Variants in PDE1A observed in about 807,000 individuals in gnomAD.
The protein encoded by PDE1A is dual specificity calcium/calmodulin-dependent 3',5'-cyclic nucleotide phosphodiesterase 1A.
Under a neutral mutation model 61.7 loss-of-function variants are expected in PDE1A, and 35 were observed. That is an observed-to-expected ratio of 0.57 (90% confidence interval 0.43 to 0.75). The LOEUF (loss-of-function observed/expected upper bound fraction) is 0.75, where lower values mean the gene tolerates loss of function less well. PDE1A is among the 30% of genes least tolerant of loss of function. The pLI is 0.00. For missense variants in PDE1A, 597 were observed against 630.6 expected, an observed-to-expected ratio of 0.95 and a Z score of 0.57; for synonymous variants, 232 against 213.2, an observed-to-expected ratio of 1.09 and a Z score of -0.77.
chr2:182,238,014 A>T (rs1053653116), intron 3 of PDE1A, among the ~76,000 whole-genome samples: 2 of 152,146 alleles, frequency 1.3e-5, no homozygotes, highest in Admixed American at 1.3e-4. Context: ...CACGCCTGTA[A>T]TCCCAGCACT....
At chr2:182,537,613 G>A in the PDE1A span, among the ~76,000 whole-genome samples, 1 of 151,988 alleles carries the variant, frequency 6.6e-6, no homozygotes, top group African/African-American at 2.4e-5. Context: ...AAACTTGCAC[G>A]TTATGCACGT....
the PDE1A span, among the ~76,000 whole-genome samples, chr2:182,580,051 T>C: frequency 1.3e-5 from 2 of 152,214 alleles, no homozygotes; most frequent in African/African-American, 4.8e-5. Context: ...CTATAACTAC[T>C]CCTTTGATAA....
chr2:182,390,695 C>A (rs566961746), intron 1 of PDE1A, among the ~76,000 whole-genome samples: 8 of 152,288 alleles, frequency 5.3e-5, no homozygotes, highest in Admixed American at 3.9e-4. Flanking sequence ...CACACTCAGC[C>A]TCACCAGGTG....
intron 1 of PDE1A, among the ~76,000 whole-genome samples, chr2:182,284,246 G>C (rs1408142109): frequency 6.6e-6 from 1 of 152,140 alleles, no homozygotes; most frequent in Non-Finnish European, 1.5e-5. Context: ...GAAATTGTCA[G>C]ATGAAAGTAG....
chr2:182,229,780 C>T (rs1254915771), intron 6 of PDE1A, among the ~76,000 whole-genome samples: 1 of 139,284 alleles, frequency 7.2e-6, no homozygotes, highest in African/African-American at 2.6e-5. Context: ...TTTTGGGAAA[C>T]TTTTTTTTTT....
chr2:182,479,849 G>GGTAA (rs1687597589), intron 2 of PDE1A, among the ~76,000 whole-genome samples: 1 of 151,704 alleles, frequency 6.6e-6, no homozygotes, highest in Non-Finnish European at 1.5e-5. Context: ...GACTTTACCT[G>GGTAA]CAGAAGTCAT....
intron 1 of PDE1A, among the ~76,000 whole-genome samples, chr2:182,370,547 G>T (rs921054353): frequency 8.5e-5 from 13 of 152,206 alleles, no homozygotes; most frequent in African/African-American, 2.2e-4. Context: ...CAGCTCAGAG[G>T]GGGCAGATGA....
the PDE1A span, among the ~76,000 whole-genome samples, chr2:182,580,462 T>C: frequency 6.6e-6 from 1 of 152,144 alleles, no homozygotes; most frequent in Non-Finnish European, 1.5e-5. Flanking sequence ...CTAGTCATAT[T>C]AGATTAGTGC....
chr2:182,244,121 C>A (rs1300201474), intron 2 of PDE1A, among the ~76,000 whole-genome samples: 2 of 152,176 alleles, frequency 1.3e-5, no homozygotes, highest in Admixed American at 1.3e-4. Context: ...CCCGCCTTGG[C>A]CTCCCAAAGT....
At chr2:182,492,901 C>T (rs1250614621) in intron 2 of PDE1A, among the ~76,000 whole-genome samples, 1 of 152,044 alleles carries the variant, frequency 6.6e-6, no homozygotes, top group African/African-American at 2.4e-5. Context: ...TTGCTATGCA[C>T]ATACTAAAAC....
chr2:182,153,206 T>G (rs1391113757), intron 13 of PDE1A, among the ~76,000 whole-genome samples: 3 of 152,180 alleles, frequency 2.0e-5, no homozygotes, highest in Non-Finnish European at 4.4e-5. Context: ...ATCTTAGTGT[T>G]TAAGTTACAC....
chr2:182,662,361 A>C, the PDE1A span, among the ~76,000 whole-genome samples: 124 of 151,660 alleles, frequency 8.2e-4, 1 homozygote, highest in African/African-American at 2.7e-3. Flanking sequence ...ACAAAAAAAA[A>C]CTTTTTCCCG....
rs1698880703 is a variant in PDE1A, at chr2:182,351,565, A to G, written c.53+75013T>C. Among the ~76,000 whole-genome samples, 3 of 152,236 alleles carry G rather than the reference A, an allele frequency of 2.0e-5. No individual in the cohort carries two copies. The South Asian group carries it at 6.2e-4, about 32-fold the overall frequency. The stretch of plus-strand genomic sequence containing the variant: ...GAGATGAAAATATTCCGACAGGGTG[A>G]TATCAGAGAATGTCATTTTTCATCA... On this transcript the variant is annotated intron_variant, in intron 1 of 13. Transcript: ENST00000351439.
upstream of PDE1A, among the ~76,000 whole-genome samples, chr2:182,523,559 T>C (rs180726928): frequency 3.9e-5 from 6 of 152,328 alleles, no homozygotes; most frequent in East Asian, 9.6e-4. Flanking sequence ...AACCCAGATG[T>C]AGTTTTATTT....
In PDE1A at chr2:182,373,657, T is replaced by C. The variant is rs148931915; in HGVS notation, c.53+52921A>G. ...CTAGAAATGTATTATAGCACTTCACTTGAGAAACAGAAGTAAAGCAGTGAA... is the reference window on the plus strand; with the variant it reads ...CTAGAAATGTATTATAGCACTTCACCTGAGAAACAGAAGTAAAGCAGTGAA... On this transcript the variant is annotated intron_variant, in intron 1 of 13. Coordinates refer to ENST00000351439, the Ensembl canonical transcript of PDE1A. Among the ~76,000 whole-genome samples the C allele has an allele frequency of 3.9e-3, 592 of 152,256 alleles. 2 individuals carry two copies. The highest frequency in any genetic ancestry group is 0.013 in the African/African-American group (560 of 41,530).
chr2:182,567,297 A>T, the PDE1A span, among the ~76,000 whole-genome samples: 1 of 152,180 alleles, frequency 6.6e-6, no homozygotes, highest in Admixed American at 6.5e-5. Flanking sequence ...TTTGTGTTTG[A>T]TATCTCTCCC....
chr2:182,338,368 C>T (rs1697973507), intron 1 of PDE1A, among the ~76,000 whole-genome samples: 1 of 150,554 alleles, frequency 6.6e-6, no homozygotes, highest in East Asian at 2.1e-4. Context: ...AATGTTAGTT[C>T]ACTTTCTTGA....
chr2:182,430,981 A>G (rs1203416527), upstream of PDE1A, among the ~76,000 whole-genome samples: 1 of 137,628 alleles, frequency 7.3e-6, no homozygotes, highest in Non-Finnish European at 1.6e-5. Context: ...GGGGAGGGAT[A>G]GCATTGGGAG....
chr2:182,470,004 TCAC>T (rs1177546396), intron 2 of PDE1A, among the ~76,000 whole-genome samples: 6 of 151,742 alleles, frequency 4.0e-5, no homozygotes, highest in African/African-American at 7.3e-5. Context: ...TGATCACAGA[TCAC>T]CACAATAAAT....
Sources: allele counts gnomAD v4.1 joint callset (sites outside exome capture counted in the v4.1 genomes callset), GRCh38; gene constraint gnomAD v4.1.1; transcripts MANE v1.5; gene names NCBI Gene and HGNC (gene_info 2026-07-23, HGNC 2026-07-21).